Variants in SLC36A2 observed in about 807,000 individuals in gnomAD.
The protein encoded by SLC36A2 is solute carrier family 36 member 2.
A neutral mutation model predicts 42.7 loss-of-function variants in SLC36A2; 39 were observed. That is an observed-to-expected ratio of 0.91 (90% CI 0.71 to 1.19). The LOEUF (loss-of-function observed/expected upper bound fraction) is 1.19. SLC36A2 is among the 50% of genes most tolerant of loss of function. The pLI, the probability that SLC36A2 is intolerant of heterozygous loss-of-function variation, is 0.00. For missense variants in SLC36A2, 590 were observed against 613.7 expected (o/e 0.96, Z 0.41); for synonymous variants, 237 against 240.8 (o/e 0.98, Z 0.15).
intron 7 of SLC36A2, among the ~76,000 whole-genome samples, chr5:151,328,837 A>G (rs902779701): frequency 1.3e-5 from 2 of 152,200 alleles, no homozygotes; most frequent in East Asian, 1.9e-4. Flanking sequence ...GTTGGACCCT[A>G]TGTGGCTGCA....
At chr5:151,323,039 C>A (rs1264854181) in intron 8 of SLC36A2, among the ~76,000 whole-genome samples, 1 of 152,136 alleles carries the variant, frequency 6.6e-6, no homozygotes, top group African/African-American at 2.4e-5. Flanking sequence ...AATTTGAGAC[C>A]AGTCTGGCCA....
chr5:151,333,150 C>A (rs1756043357), intron 7 of SLC36A2, 74 bp downstream of exon 7: 1 of 1,357,570 alleles, frequency 7.4e-7, no homozygotes, highest in East Asian at 2.3e-5. Context: ...ACACAGAAAC[C>A]CAGAGCTCAC....
chr5:151,328,795 A>G (rs1212778830), intron 7 of SLC36A2, among the ~76,000 whole-genome samples: 8 of 152,232 alleles, frequency 5.3e-5, no homozygotes, highest in Non-Finnish European at 1.5e-5. Context: ...GTTCCAGCAG[A>G]GTGTTAAACT....
In SLC36A2 at chr5:151,335,397, TG is replaced by T; in HGVS notation, c.675del (p.Ile226SerfsTer34). ...LVLIRNLRIL[T>X]IFSMLANISM... ...CTGATGTTGGCCAGCATGGAGAAGA[TG>T]GTCAAGATCCTGAGGTTCCGGATGA... On this transcript the variant is annotated frameshift_variant, in exon 6 of 10. Coordinates refer to ENST00000335244, the MANE Select transcript of SLC36A2 (RefSeq NM_181776.3). LOFTEE classifies it high-confidence loss of function. The T allele has an allele frequency of 6.2e-7, 1 of 1,614,012 alleles. No individual in the cohort carries two copies. Among genetic ancestry groups the T allele is most frequent in the Non-Finnish European group, 8.5e-7 (1 of 1,179,986 alleles).
At chr5:151,337,128 C>A (rs1040873555) in intron 5 of SLC36A2, among the ~76,000 whole-genome samples, 2 of 152,150 alleles carry the variant, frequency 1.3e-5, no homozygotes, top group African/African-American at 2.4e-5. Flanking sequence ...GTACTCAAGG[C>A]CCTCCATAAA....
At position 151,328,895 on chromosome 5, in the gene SLC36A2, C is replaced by T. The variant is rs183360284; in HGVS notation, c.844-3443G>A. 2.0e-5 allele frequency among the ~76,000 whole-genome samples: 3 copies of T among 152,282 alleles called. No homozygotes were observed. The East Asian group carries it at 5.8e-4, about 29-fold the overall frequency. ...GGTCCAGGAAAGAATCACTATTGTG[C>T]TTTTTCTTTCTCTTTTCACTCATTG... On this transcript the variant is annotated intron_variant, in intron 7 of 9. Transcript: ENST00000335244.
At chr5:151,333,741 A>G (rs1042000215) in intron 6 of SLC36A2, among the ~76,000 whole-genome samples, 2 of 152,170 alleles carry the variant, frequency 1.3e-5, no homozygotes, top group Non-Finnish European at 2.9e-5. Context: ...GGGCGCCTGT[A>G]GTCCCAGCTA....
At chr5:151,322,550 G>T (rs1243516761) in intron 8 of SLC36A2, among the ~76,000 whole-genome samples, 1 of 152,244 alleles carries the variant, frequency 6.6e-6, no homozygotes, top group Non-Finnish European at 1.5e-5. Flanking sequence ...GCTCAGGCCA[G>T]ATACTTTGCC....
At position 151,338,975 on chromosome 5, in the gene SLC36A2, G is replaced by A. The variant is rs773345819; in HGVS notation, c.525+85C>T. 4 of 994,766 alleles carry A rather than the reference G, an allele frequency of 4.0e-6. No individual in the cohort carries two copies. The Admixed American group carries it at 7.0e-5, about 17-fold the overall frequency. 61.6% of individuals were successfully genotyped at this position (994,766 alleles called of 1,614,324 possible). ...TCCTTTGTTACATTGATGAGGACCA[G>A]AGAGAAGAAGCAGTTTGTCAAACAA... On this transcript the variant is annotated intron_variant, in intron 5 of 9. Coordinates refer to ENST00000335244, the MANE Select transcript of SLC36A2 (RefSeq NM_181776.3).
In SLC36A2 at chr5:151,335,364, C is replaced by T; in HGVS notation, c.709G>A (p.Val237Ile). Reference sequence around the variant, plus strand: ...TACTGTATGATGATGACCAAGCTGACCAGCATGCTGATGTTGGCCAGCATG... The same window carrying T: ...TACTGTATGATGATGACCAAGCTGATCAGCATGCTGATGTTGGCCAGCATG... ...FSMLANISMLVSLVIIIQYIT... is the reference protein window; with the variant it reads ...FSMLANISMLISLVIIIQYIT... The change falls in exon 6 of 10, where the codon GTC (valine) becomes ATC (isoleucine). Residue 237 changes from valine to isoleucine, a missense_variant. Coordinates refer to ENST00000335244, the MANE Select transcript of SLC36A2 (RefSeq NM_181776.3). The T allele has an allele frequency of 6.2e-7, 1 of 1,613,870 alleles. No homozygotes were observed. The highest frequency in any genetic ancestry group is 1.1e-5 in the South Asian group (1 of 91,050).
At chr5:151,341,793 AT>A (rs1277471718) in intron 4 of SLC36A2, among the ~76,000 whole-genome samples, 2 of 152,118 alleles carry the variant, frequency 1.3e-5, no homozygotes, top group African/African-American at 4.8e-5. Flanking sequence ...TTAAACCCAT[AT>A]ATCCCCACTA....
intron 7 of SLC36A2, among the ~76,000 whole-genome samples, chr5:151,326,812 CT>C (rs5872202): frequency 3.0e-4 from 42 of 142,290 alleles, no homozygotes; most frequent in Admixed American, 7.1e-4. Flanking sequence ...ATGAATTTAC[CT>C]TTTTTTTTTT....
In SLC36A2 at chr5:151,316,834, T is replaced by A; in HGVS notation, c.1435A>T (p.Thr479Ser). ...TGCCAGGCTCACCGAACAAAAGTGGTGGAGTTGGAAAAGGGGTGAGAGTCT... is the reference window on the plus strand; with the variant it reads ...TGCCAGGCTCACCGAACAAAAGTGGAGGAGTTGGAAAAGGGGTGAGAGTCT... ...SEDSHPFSNS[T>S]TFVR Residue 479 changes from threonine to serine, a missense_variant, in exon 10 of 10, where the codon ACC becomes TCC. Thr to Ser is a moderately conservative substitution (Grantham distance 58). Coordinates refer to ENST00000335244, the MANE Select transcript of SLC36A2 (RefSeq NM_181776.3). 1 of 1,589,362 alleles carries A rather than the reference T, an allele frequency of 6.3e-7. No homozygotes were observed. The highest frequency in any genetic ancestry group is 8.6e-7 in the Non-Finnish European group (1 of 1,169,542).
chr5:151,335,274 C>G (rs1019272768), intron 6 of SLC36A2, 55 bp downstream of exon 6: 12 of 1,407,764 alleles, frequency 8.5e-6, no homozygotes, highest in Non-Finnish European at 1.2e-5. Context: ...CTCAGTCTAT[C>G]CTTGATAAAA....
intron 4 of SLC36A2, among the ~76,000 whole-genome samples, chr5:151,342,259 T>G (rs1756367931): frequency 6.6e-6 from 1 of 152,122 alleles, no homozygotes; most frequent in Non-Finnish European, 1.5e-5. Flanking sequence ...AGCTACCTGG[T>G]CTTGTTGTAC....
intron 4 of SLC36A2, among the ~76,000 whole-genome samples, chr5:151,341,096 A>T (rs1008359294): frequency 6.6e-6 from 1 of 152,142 alleles, no homozygotes; most frequent in Non-Finnish European, 1.5e-5. Context: ...TTTGCTGGAG[A>T]TACAGGAACA....
Position 151,344,217 on chromosome 5 carries a change from A to G in SLC36A2, c.215T>C (p.Ile72Thr), listed in dbSNP as rs780632339. The change falls in exon 2 of 10, where the codon ATC becomes ACC. Residue 72 changes from isoleucine to threonine, a missense_variant. By Grantham distance (89) the Ile-to-Thr change is moderately conservative. Coordinates refer to ENST00000335244, the MANE Select transcript of SLC36A2 (RefSeq NM_181776.3). ...HLVKGNMGTG[I>T]LGLPLAVKNA... ...CTTCACAGCGAGGGGTAGTCCCAGGATCCCTGTGCCCATGTTGCCTTTCAC... is the reference window on the plus strand; with the variant it reads ...CTTCACAGCGAGGGGTAGTCCCAGGGTCCCTGTGCCCATGTTGCCTTTCAC... 1 of 1,614,188 alleles carries G rather than the reference A, an allele frequency of 6.2e-7. No homozygotes were observed. Among genetic ancestry groups the G allele is most frequent in the Admixed American group, 1.7e-5 (1 of 60,020 alleles).
chr5:151,344,343 G>A (rs2127300575), intron 1 of SLC36A2, 76 bp from the exon 2 acceptor site: 1 of 1,236,892 alleles, frequency 8.1e-7, no homozygotes, highest in Non-Finnish European at 1.2e-6. Flanking sequence ...CTTGCAGCAT[G>A]CCAGCACCTG....
chr5:151,342,787 A>C (rs1756383725), intron 4 of SLC36A2, 101 bp downstream of exon 4: 3 of 934,836 alleles, frequency 3.2e-6, no homozygotes, highest in Non-Finnish European at 5.2e-6. Context: ...CTAACATAGA[A>C]GTGCCAAACA....
Sources: allele counts gnomAD v4.1 joint callset (sites outside exome capture counted in the v4.1 genomes callset), GRCh38; gene constraint gnomAD v4.1.1; transcripts MANE v1.5; gene names NCBI Gene and HGNC (gene_info 2026-07-23, HGNC 2026-07-21).